Variants in CFAP95 observed in about 807,000 individuals in gnomAD.
CFAP95 encodes cilia and flagella associated protein 95.
the CFAP95 span, among the ~76,000 whole-genome samples, chr9:69,826,249 A>C: frequency 6.6e-6 from 1 of 152,192 alleles, no homozygotes; most frequent in Non-Finnish European, 1.5e-5. Flanking sequence ...CATTCACAGA[A>C]GCACCCAGTT....
the CFAP95 span, among the ~76,000 whole-genome samples, chr9:69,866,275 A>G: frequency 3.9e-5 from 6 of 152,314 alleles, no homozygotes; most frequent in South Asian, 4.2e-4. Flanking sequence ...TTACATGGTT[A>G]TGGAAGCTGA....
chr9:69,905,131 G>C, the CFAP95 span, among the ~76,000 whole-genome samples: 1 of 151,866 alleles, frequency 6.6e-6, no homozygotes, highest in Non-Finnish European at 1.5e-5. Context: ...ATAAATACAT[G>C]GACACTATTA....
the CFAP95 span, among the ~76,000 whole-genome samples, chr9:69,865,522 T>C: frequency 1.3e-4 from 20 of 152,262 alleles, no homozygotes; most frequent in Middle Eastern, 3.4e-3. Context: ...GGCCATATTA[T>C]GGATGGCTGA....
chr9:69,896,743 C>T, the CFAP95 span, among the ~76,000 whole-genome samples: 1 of 152,068 alleles, frequency 6.6e-6, no homozygotes. Flanking sequence ...TAAAACTTGG[C>T]CAGGTGCGGT....
At chr9:69,893,519 T>C in the CFAP95 span, among the ~76,000 whole-genome samples, 1 of 152,214 alleles carries the variant, frequency 6.6e-6, no homozygotes, top group Admixed American at 6.5e-5. Context: ...CTTTGCTTCA[T>C]TCCATGTCCC....
At chr9:69,859,277 C>G in the CFAP95 span, among the ~76,000 whole-genome samples, 2 of 152,070 alleles carry the variant, frequency 1.3e-5, no homozygotes, top group African/African-American at 4.8e-5. Context: ...CTACTTTCCT[C>G]TCTGTTTCTT....
the CFAP95 span, among the ~76,000 whole-genome samples, chr9:69,897,980 C>T: frequency 6.6e-6 from 1 of 152,274 alleles, no homozygotes; most frequent in South Asian, 2.1e-4. Context: ...CAGTTTTCCC[C>T]TATGGTGATT....
chr9:69,864,025 C>A, the CFAP95 span, among the ~76,000 whole-genome samples: 2 of 152,036 alleles, frequency 1.3e-5, no homozygotes, highest in African/African-American at 4.8e-5. Context: ...GTCCATGGGG[C>A]CCTGAGTTTG....
chr9:69,880,343 T>C, the CFAP95 span, among the ~76,000 whole-genome samples: 2 of 152,108 alleles, frequency 1.3e-5, no homozygotes, highest in Non-Finnish European at 2.9e-5. Context: ...ATCCTTCTAC[T>C]CCCTATGTCC....
the CFAP95 span, among the ~76,000 whole-genome samples, chr9:69,849,459 T>A: frequency 6.6e-6 from 1 of 152,318 alleles, no homozygotes; most frequent in South Asian, 2.1e-4. Context: ...CCAGGCATAA[T>A]GCTAAGTGCT....
the CFAP95 span, among the ~76,000 whole-genome samples, chr9:69,834,785 T>C: frequency 5.3e-5 from 8 of 152,234 alleles, no homozygotes; most frequent in Admixed American, 4.6e-4. Context: ...TGTGGTTTCA[T>C]GGTTATAGAT....
the CFAP95 span, among the ~76,000 whole-genome samples, chr9:69,874,724 T>C: frequency 0.81 from 123,550 of 152,150 alleles, 51,134 homozygotes; most frequent in Middle Eastern, 0.93. Context: ...CCTTTTCCAG[T>C]AGTTTCTATT....
chr9:69,889,232 C>T, the CFAP95 span, among the ~76,000 whole-genome samples: 2 of 152,228 alleles, frequency 1.3e-5, no homozygotes, highest in East Asian at 3.9e-4. Context: ...TAAGGTTAGA[C>T]TTATGGTAAG....
chr9:69,845,735 G>C, the CFAP95 span, among the ~76,000 whole-genome samples: 3 of 152,056 alleles, frequency 2.0e-5, no homozygotes, highest in Non-Finnish European at 4.4e-5. Flanking sequence ...CTAAAGCAAG[G>C]CATCCCCATC....
At chr9:69,841,868 C>T in the CFAP95 span, among the ~76,000 whole-genome samples, 3 of 152,072 alleles carry the variant, frequency 2.0e-5, no homozygotes, top group South Asian at 2.1e-4. Flanking sequence ...GGGAAAGACC[C>T]GCCCCCATGA....
the CFAP95 span, among the ~76,000 whole-genome samples, chr9:69,866,689 CTGG>C: frequency 6.6e-6 from 1 of 152,226 alleles, no homozygotes; most frequent in East Asian, 1.9e-4. Flanking sequence ...TCTGGGCTAT[CTGG>C]GCATTCTTTG....
chr9:69,857,609 C>T, the CFAP95 span, among the ~76,000 whole-genome samples: 1 of 152,210 alleles, frequency 6.6e-6, no homozygotes, highest in Non-Finnish European at 1.5e-5. Flanking sequence ...ACTGCAACCT[C>T]TGCCTCTCAG....
chr9:69,861,896 C>G, the CFAP95 span, among the ~76,000 whole-genome samples: 2 of 152,148 alleles, frequency 1.3e-5, no homozygotes, highest in African/African-American at 4.8e-5. Context: ...GCAACCTCCT[C>G]TAGAGGACCT....
the CFAP95 span, chr9:69,844,647 G>A: frequency 9.9e-5 from 151 of 1,531,136 alleles, no homozygotes; most frequent in South Asian, 1.0e-3. Context: ...CTATTACTTC[G>A]TTTGAAGTCT....
Sources: allele counts gnomAD v4.1 joint callset (sites outside exome capture counted in the v4.1 genomes callset), GRCh38; gene constraint gnomAD v4.1.1; transcripts MANE v1.5; gene names NCBI Gene and HGNC (gene_info 2026-07-23, HGNC 2026-07-21).